Variants in BTG4 observed in about 807,000 individuals in gnomAD.
BTG4 encodes protein BTG4.
Under a neutral mutation model 19.3 loss-of-function variants are expected in BTG4, and 10 were observed. The ratio of observed to expected loss-of-function variants is 0.52; its 90% CI spans 0.32 to 0.88. The LOEUF (loss-of-function observed/expected upper bound fraction) is 0.88. Ranked by LOEUF, BTG4 falls within the 40% of genes least tolerant of loss-of-function variation. BTG4 has a pLI of 0.04. For synonymous variants in BTG4, 91 were observed against 95.7 expected, an observed-to-expected ratio of 0.95 and a Z score of 0.29; for missense variants, 238 against 281.9, an observed-to-expected ratio of 0.84 and a Z score of 1.11.
chr11:111,401,205 G>A, the BTG4 span, among the ~76,000 whole-genome samples: 2 of 152,064 alleles, frequency 1.3e-5, no homozygotes, highest in South Asian at 4.2e-4. Flanking sequence ...AGAAAGCTGG[G>A]GCCAGGCGCA....
chr11:111,482,347 G>C (rs1306204297), intron 5 of BTG4, among the ~76,000 whole-genome samples: 1 of 152,004 alleles, frequency 6.6e-6, no homozygotes, highest in Non-Finnish European at 1.5e-5. Flanking sequence ...TTCATAAATT[G>C]AAATACTCAA....
chr11:111,465,937 CT>C (rs1863695286), downstream of BTG4, among the ~76,000 whole-genome samples: 1 of 152,162 alleles, frequency 6.6e-6, no homozygotes, highest in African/African-American at 2.4e-5. Flanking sequence ...CTTGACCAAT[CT>C]CATTATTAAT....
chr11:111,402,847 C>T, the BTG4 span, among the ~76,000 whole-genome samples: 1,177 of 147,736 alleles, frequency 8.0e-3, 15 homozygotes, highest in African/African-American at 0.027. Context: ...GTGTTTTCAG[C>T]CAAGACCAAA....
intron 5 of BTG4, among the ~76,000 whole-genome samples, chr11:111,489,504 T>C (rs1229155125): frequency 1.3e-5 from 2 of 152,210 alleles, no homozygotes; most frequent in Non-Finnish European, 2.9e-5. Flanking sequence ...GCAACCCTAT[T>C]GACAACAGCT....
chr11:111,435,940 T>A, the BTG4 span, among the ~76,000 whole-genome samples: 1 of 152,202 alleles, frequency 6.6e-6, no homozygotes, highest in Non-Finnish European at 1.5e-5. Flanking sequence ...TCACCCAGGC[T>A]GAGGACCTCC....
chr11:111,492,040 A>G (rs1243060219), downstream of BTG4, among the ~76,000 whole-genome samples: 1 of 152,192 alleles, frequency 6.6e-6, no homozygotes, highest in East Asian at 1.9e-4. Context: ...GCCAAACCCT[A>G]GCACATTGTG....
At chr11:111,397,979 C>G in the BTG4 span, 1 of 152,196 alleles carries the variant, frequency 6.6e-6, no homozygotes, top group Non-Finnish European at 1.5e-5. Context: ...TCATTAACTT[C>G]CCCTACCACA....
At chr11:111,485,580 T>C (rs1239759890) in intron 5 of BTG4, among the ~76,000 whole-genome samples, 1 of 151,964 alleles carries the variant, frequency 6.6e-6, no homozygotes, top group Non-Finnish European at 1.5e-5. Context: ...CCAAAACCAA[T>C]GGAATACAGC....
At chr11:111,424,921 T>C in the BTG4 span, among the ~76,000 whole-genome samples, 1 of 152,078 alleles carries the variant, frequency 6.6e-6, no homozygotes, top group Non-Finnish European at 1.5e-5. Context: ...CTGTATTAGG[T>C]ACTTTAAAAG....
At chr11:111,483,267 C>A (rs1249925074) in intron 5 of BTG4, among the ~76,000 whole-genome samples, 2 of 152,104 alleles carry the variant, frequency 1.3e-5, no homozygotes, top group African/African-American at 2.4e-5. Context: ...AGGGCAGGTA[C>A]AAATAAATCC....
At chr11:111,509,911 C>CTTTTTTTTTTTTTTTTTTTTTTTTTTTT (rs1450409427) in intron 1 of BTG4, among the ~76,000 whole-genome samples, 3 of 114,724 alleles carry the variant, frequency 2.6e-5, no homozygotes, top group South Asian at 2.8e-4. Context: ...TTTCTTTTTT[C>CTTTTTTTTTTTTTTTTTTTTTTTTTTTT]TTTTTTTTTT....
At chr11:111,453,496 T>C in the BTG4 span, 3 of 456,608 alleles carry the variant, frequency 6.6e-6, no homozygotes, top group Non-Finnish European at 8.8e-6. Flanking sequence ...CCTCGATGCC[T>C]ACACTTCCCC....
At chr11:111,495,623 T>G (rs1044308892) in intron 4 of BTG4, among the ~76,000 whole-genome samples, 3 of 152,212 alleles carry the variant, frequency 2.0e-5, no homozygotes. Context: ...CAAAACTGCA[T>G]GTTCATGATC....
At chr11:111,451,411 T>A in the BTG4 span, 1 of 453,430 alleles carries the variant, frequency 2.2e-6, no homozygotes, top group African/African-American at 2.0e-5. Flanking sequence ...CGGAAGATGG[T>A]TTGTCTACGA....
At chr11:111,464,246 G>T (rs370688397), downstream of BTG4, among the ~76,000 whole-genome samples, 1 of 152,094 alleles carries the variant, frequency 6.6e-6, no homozygotes, top group Non-Finnish European at 1.5e-5. Context: ...TGATCAGCCC[G>T]CCTCAGCCTC....
the BTG4 span, among the ~76,000 whole-genome samples, chr11:111,456,360 G>A: frequency 6.6e-6 from 1 of 152,120 alleles, no homozygotes; most frequent in Admixed American, 6.5e-5. The surrounding 1 kb of genome is among the most constrained non-coding windows in gnomAD (Gnocchi z 4.2). Flanking sequence ...TAGCAAAGAT[G>A]AGACCCCTGC....
At chr11:111,494,061 G>C (rs1448228209), downstream of BTG4, among the ~76,000 whole-genome samples, 1 of 152,136 alleles carries the variant, frequency 6.6e-6, no homozygotes, top group Non-Finnish European at 1.5e-5. Flanking sequence ...TCACCTAACA[G>C]CAGAAACTCA....
At chr11:111,438,034 A>G in the BTG4 span, among the ~76,000 whole-genome samples, 1 of 152,190 alleles carries the variant, frequency 6.6e-6, no homozygotes, top group Admixed American at 6.5e-5. Flanking sequence ...CCCACCAGGA[A>G]GTAGAGCCTT....
chr11:111,498,822 C>A lies in BTG4; in HGVS notation c.-26-20G>T. On this transcript the variant is annotated intron_variant, in intron 1 of 4. Coordinates refer to ENST00000692032, the MANE Select transcript of BTG4 (RefSeq NM_001367975.1). ...GGAGGTCTGAATCATTAAAAGGAAG[C>A]AAGAAGAAATAGAAAGAAATGGTTT... 2 of 1,489,610 alleles carry A rather than the reference C, an allele frequency of 1.3e-6. No homozygotes were observed. Among genetic ancestry groups the A allele is most frequent in the Admixed American group, 2.2e-5 (1 of 46,352 alleles). The allele number at this position is 1,489,610 out of a possible 1,614,324, so 92.3% of individuals were successfully genotyped here.
Sources: allele counts gnomAD v4.1 joint callset (sites outside exome capture counted in the v4.1 genomes callset), GRCh38; gene constraint gnomAD v4.1.1; non-coding constraint Gnocchi (gnomAD v3.1); transcripts MANE v1.5; gene names NCBI Gene and HGNC (gene_info 2026-07-23, HGNC 2026-07-21).